The following RAB3B variants were observed in gnomAD, a reference collection of about 807,000 sequenced individuals.
RAB3B encodes the protein RAB3B, member RAS oncogene family, also known as ras-related protein Rab-3B.
In RAB3B, 11 loss-of-function variants were observed where a neutral mutation model predicts 20.5. That is an observed-to-expected ratio of 0.54 (90% CI 0.34 to 0.89). RAB3B has a LOEUF of 0.89. Ranked by LOEUF, RAB3B falls within the 40% of genes least tolerant of loss-of-function variation. RAB3B has a pLI of 0.02. For missense variants in RAB3B, 225 were observed against 280.9 expected, an observed-to-expected ratio of 0.80 and a Z score of 1.42; for synonymous variants, 99 against 106.3, an observed-to-expected ratio of 0.93 and a Z score of 0.42.
chr1:51,934,245 C>T (rs554833193), intron 3 of RAB3B, among the ~76,000 whole-genome samples: 1 of 152,248 alleles, frequency 6.6e-6, no homozygotes, highest in South Asian at 2.1e-4. Flanking sequence ...ATGGCTTGTG[C>T]TTTTGCCTAC....
At chr1:51,933,266 C>T (rs1684350899) in intron 4 of RAB3B, 52 bp downstream of exon 4, 2 of 1,567,424 alleles carry the variant, frequency 1.3e-6, no homozygotes, top group Non-Finnish European at 1.7e-6. Context: ...ACCCCACTCT[C>T]ATGAGCATGT....
intron 4 of RAB3B, among the ~76,000 whole-genome samples, chr1:51,930,770 C>G (rs1477455369): frequency 6.6e-6 from 1 of 152,106 alleles, no homozygotes; most frequent in Non-Finnish European, 1.5e-5. Flanking sequence ...AATCCCAGCA[C>G]TTTGGGAGGC....
At chr1:51,929,784 TGTAA>T (rs1684297949) in intron 4 of RAB3B, among the ~76,000 whole-genome samples, 1 of 152,180 alleles carries the variant, frequency 6.6e-6, no homozygotes, top group Non-Finnish European at 1.5e-5. Flanking sequence ...TTAATATTTG[TGTAA>T]GTATTTATTT....
chr1:51,937,118 A>G (rs1198409046), intron 3 of RAB3B, among the ~76,000 whole-genome samples, 176 bp downstream of exon 3: 1 of 152,036 alleles, frequency 6.6e-6, no homozygotes, highest in East Asian at 1.9e-4. Flanking sequence ...CCGGCCTATC[A>G]CATGATATTT....
chr1:51,980,557 T>C (rs1685073150), intron 1 of RAB3B: 2 of 748,510 alleles, frequency 2.7e-6, no homozygotes, highest in Admixed American at 1.7e-5. Context: ...CTGTGCCCAA[T>C]GTGTGCCCAA....
rs1438245612 is a variant in RAB3B at position 51,964,985 on chromosome 1, A to G, written c.228+11905T>C. Reference sequence around the variant, plus strand: ...GCAGTAGCTCACGCCTGTAATCCCAACACTTTGGGAGGCCAAGGCTGGTGG... The same window carrying G: ...GCAGTAGCTCACGCCTGTAATCCCAGCACTTTGGGAGGCCAAGGCTGGTGG... On this transcript the variant is annotated intron_variant, in intron 2 of 4. Transcript: ENST00000371655. 2.6e-5 allele frequency among the ~76,000 whole-genome samples: 4 copies of G among 152,122 alleles called. No individual in the cohort carries two copies. The East Asian group carries it at 5.8e-4, about 22-fold the overall frequency.
chr1:51,932,286 A>T (rs1354211233), intron 4 of RAB3B, among the ~76,000 whole-genome samples: 1 of 152,202 alleles, frequency 6.6e-6, no homozygotes, highest in Non-Finnish European at 1.5e-5. Context: ...TACAACACTA[A>T]GGATGTGAGA....
chr1:51,954,073 T>C (rs1218304828), intron 2 of RAB3B, among the ~76,000 whole-genome samples: 1 of 152,026 alleles, frequency 6.6e-6, no homozygotes, highest in African/African-American at 2.4e-5. Flanking sequence ...CAGCTCCAAA[T>C]TGGAAAGTAG....
At chr1:51,956,601 T>G (rs1439105051) in intron 2 of RAB3B, among the ~76,000 whole-genome samples, 1 of 152,220 alleles carries the variant, frequency 6.6e-6, no homozygotes, top group African/African-American at 2.4e-5. Flanking sequence ...CCAAACATTG[T>G]GTTCCTCTAA....
rs558232729 is a variant in RAB3B, at chr1:51,969,716, T to C, written c.228+7174A>G. On this transcript the variant is annotated intron_variant, in intron 2 of 4. Transcript: ENST00000371655. ...AAGGAATGCTATTTATCAATCTCCC[T>C]AGAACCTTAATAAAAACTACGATTT... Among the ~76,000 whole-genome samples the C allele has an allele frequency of 2.8e-4, 43 of 152,336 alleles. 1 individual carries two copies. In the South Asian group the frequency reaches 8.9e-3, roughly 32 times the overall value.
Position 51,917,167 on chromosome 1 carries a change from G to A in RAB3B, c.*2760C>T, listed in dbSNP as rs1684097851. 6.6e-6 allele frequency: 1 copy of A among 152,146 alleles called. No individual in the cohort carries two copies. Among genetic ancestry groups the A allele is most frequent in the Non-Finnish European group, 1.5e-5 (1 of 68,030 alleles). The allele number at this position is 152,146 out of a possible 1,614,324, so 9.4% of individuals were successfully genotyped here. On this transcript the variant is annotated 3_prime_UTR_variant, in exon 5 of 5. Coordinates refer to ENST00000371655, the MANE Select transcript of RAB3B (RefSeq NM_002867.4). ...TAGTGCCTCCCTCACAAGATGTTGG[G>A]AAGATAAATGAGTTAATGCACGTAA... is the stretch of plus-strand genomic sequence containing the variant.
At chr1:51,975,720 G>A (rs2794989) in intron 2 of RAB3B, among the ~76,000 whole-genome samples, 114,642 of 152,114 alleles carry the variant, frequency 0.75, 46,170 homozygotes, top group Middle Eastern at 0.88. Flanking sequence ...CAGGCTAAGC[G>A]CGGTGGCTCA....
Position 51,907,998 on chromosome 1 carries a change from T to G in RAB3B, c.*11929A>C, listed in dbSNP as rs1418024987. On this transcript the variant is annotated 3_prime_UTR_variant, in exon 5 of 5. Transcript: ENST00000371655. Reference sequence around the variant, plus strand: ...TTAATGCATATACCATCATTGCCACTATAATAGAGATAGAAGATACATTAA... The same window carrying G: ...TTAATGCATATACCATCATTGCCACGATAATAGAGATAGAAGATACATTAA... 2 of 152,136 alleles carry G rather than the reference T, an allele frequency of 1.3e-5. No homozygotes were observed. The highest frequency in any genetic ancestry group is 2.9e-5 in the Non-Finnish European group (2 of 68,038). 9.4% of individuals were successfully genotyped at this position (152,136 alleles called of 1,614,324 possible). A position where few individuals can be genotyped will look rare whatever the true frequency, so the allele number is the denominator to read the frequency against.
chr1:51,980,496 T>C (rs1180253035), intron 1 of RAB3B: 1 of 698,498 alleles, frequency 1.4e-6, no homozygotes, highest in Non-Finnish European at 2.6e-6. Flanking sequence ...GAAGGAACAA[T>C]GGTCATGCCA....
intron 2 of RAB3B, among the ~76,000 whole-genome samples, chr1:51,944,691 G>A (rs1018382935): frequency 1.3e-5 from 2 of 152,230 alleles, no homozygotes; most frequent in Admixed American, 1.3e-4. Flanking sequence ...TTAGAAGTGA[G>A]ACCTGAAGAT....
chr1:51,912,115 T>C lies in RAB3B; in HGVS notation c.*7812A>G, dbSNP rs1891263. On this transcript the variant is annotated 3_prime_UTR_variant, in exon 5 of 5. Coordinates refer to ENST00000371655, the MANE Select transcript of RAB3B (RefSeq NM_002867.4). ...CCTTTTCTTCTTTTTTTTCTTTCTT[T>C]CTTTCTTTTTTTTTTTTTTTTGAGA... The C allele has an allele frequency of 0.54, 79,326 of 147,954 alleles. 22,375 individuals are homozygous for C. The highest frequency in any genetic ancestry group is 0.85 in the East Asian group (4,347 of 5,102). 9.2% of individuals were successfully genotyped at this position (147,954 alleles called of 1,614,324 possible). A position where few individuals can be genotyped will look rare whatever the true frequency, so the allele number is the denominator to read the frequency against.
chr1:51,947,957 G>A (rs974811690), intron 2 of RAB3B, among the ~76,000 whole-genome samples: 1 of 151,708 alleles, frequency 6.6e-6, no homozygotes. Flanking sequence ...TCTTCCTTTC[G>A]TTGAGCTGAA....
chr1:51,938,268 A>G (rs1429968629), intron 2 of RAB3B, among the ~76,000 whole-genome samples: 1 of 152,022 alleles, frequency 6.6e-6, no homozygotes, highest in Non-Finnish European at 1.5e-5. Flanking sequence ...CTTTCTGGGA[A>G]TCAATTTGGA....
intron 2 of RAB3B, among the ~76,000 whole-genome samples, chr1:51,976,207 A>C (rs1239774224): frequency 2.6e-5 from 4 of 151,638 alleles, no homozygotes; most frequent in Non-Finnish European, 5.9e-5. Flanking sequence ...GCTCCGTTGC[A>C]CAGGCTGGAG....
Sources: allele counts gnomAD v4.1 joint callset (sites outside exome capture counted in the v4.1 genomes callset), GRCh38; gene constraint gnomAD v4.1.1; transcripts MANE v1.5; gene names NCBI Gene and HGNC (gene_info 2026-07-23, HGNC 2026-07-21).